Variants in ROBO2 observed in about 807,000 individuals in gnomAD.
ROBO2 encodes roundabout guidance receptor 2.
In ROBO2, 53 loss-of-function variants were observed where a neutral mutation model predicts 160.8. The observed-to-expected ratio is 0.33, with a 90% CI of 0.26 to 0.41. The LOEUF is 0.41. Ranked by LOEUF, ROBO2 falls within the 10% of genes least tolerant of loss-of-function variation. The probability of loss-of-function intolerance (pLI) is 1.00; values close to 1 mark genes in which losing one functional copy is unlikely to be tolerated. For synonymous variants in ROBO2, 664 were observed against 611.7 expected (o/e 1.09, Z -1.26); for missense variants, 1,577 against 1,722.4 (o/e 0.92, Z 1.49).
chr3:77,472,611 A>G (rs2083468536), intron 2 of ROBO2, among the ~76,000 whole-genome samples: 1 of 152,274 alleles, frequency 6.6e-6, no homozygotes, highest in East Asian at 1.9e-4. Flanking sequence ...AGCCAATTAC[A>G]TATCCCCCCC....
chr3:76,166,703 A>G (rs890299994), intron 2 of ROBO2, among the ~76,000 whole-genome samples: 2 of 152,174 alleles, frequency 1.3e-5, no homozygotes, highest in Admixed American at 6.6e-5. Context: ...CATAATATAC[A>G]TGAGAATACA....
intron 2 of ROBO2, among the ~76,000 whole-genome samples, chr3:77,203,591 T>C (rs770781835): frequency 1.6e-4 from 25 of 152,236 alleles, no homozygotes; most frequent in Non-Finnish European, 1.8e-4. Flanking sequence ...ATCAGACTTG[T>C]CTTTTTCAAG....
chr3:76,534,414 C>T (rs13320540), intron 2 of ROBO2, among the ~76,000 whole-genome samples: 6,759 of 152,150 alleles, frequency 0.044, 568 homozygotes, highest in African/African-American at 0.16. Flanking sequence ...TCCCCATTTC[C>T]CATCATATGA....
At chr3:77,558,068 A>T (rs1158700576) in exon 9 of ROBO2, 1 of 1,613,222 alleles carries the variant, frequency 6.2e-7, no homozygotes, top group East Asian at 2.2e-5. Context: ...TTAGCTGGTT[A>T]AAGGAGGGAT....
chr3:76,132,942 C>A (rs550299445), intron 2 of ROBO2, among the ~76,000 whole-genome samples: 2 of 152,226 alleles, frequency 1.3e-5, no homozygotes, highest in East Asian at 1.9e-4. Context: ...CTGGCTGCGA[C>A]CCTTGGACTG....
At chr3:77,452,215 T>G (rs2081191987) in intron 2 of ROBO2, among the ~76,000 whole-genome samples, 1 of 152,204 alleles carries the variant, frequency 6.6e-6, no homozygotes, top group Non-Finnish European at 1.5e-5. Flanking sequence ...TTGAAAGTCC[T>G]TCAAATCATT....
At chr3:76,887,972 G>A (rs2074039357) in intron 2 of ROBO2, among the ~76,000 whole-genome samples, 1 of 151,966 alleles carries the variant, frequency 6.6e-6, no homozygotes, top group Admixed American at 6.6e-5. Flanking sequence ...CTAATTTTAG[G>A]GACTTCAAAA....
At chr3:76,973,259 C>T (rs2059656714) in intron 2 of ROBO2, among the ~76,000 whole-genome samples, 1 of 152,066 alleles carries the variant, frequency 6.6e-6, no homozygotes, top group African/African-American at 2.4e-5. Flanking sequence ...ACCCTTAGGC[C>T]AAGTCCTAGC....
At chr3:76,137,510 G>A (rs893051893) in intron 2 of ROBO2, among the ~76,000 whole-genome samples, 2 of 151,814 alleles carry the variant, frequency 1.3e-5, no homozygotes, top group African/African-American at 4.8e-5. Context: ...ATAACTCCAA[G>A]AACAGTTTTT....
intron 2 of ROBO2, among the ~76,000 whole-genome samples, chr3:76,258,905 A>G (rs1706567070): frequency 6.6e-6 from 1 of 152,060 alleles, no homozygotes. Flanking sequence ...ATTTTTCAGC[A>G]ATGACTATTG....
At chr3:77,075,381 T>C (rs1184116944) in intron 1 of ROBO2, among the ~76,000 whole-genome samples, 1 of 152,108 alleles carries the variant, frequency 6.6e-6, no homozygotes, top group African/African-American at 2.4e-5. Context: ...GAGTAATGTG[T>C]TCCCTCTGTC....
intron 2 of ROBO2, among the ~76,000 whole-genome samples, chr3:77,412,110 G>T (rs13092823): frequency 6.6e-6 from 1 of 151,436 alleles, no homozygotes; most frequent in Non-Finnish European, 1.5e-5. Context: ...ATTCTAACTC[G>T]TTAAATACCA....
chr3:76,359,144 T>C (rs1439865090), intron 2 of ROBO2, among the ~76,000 whole-genome samples: 4 of 151,962 alleles, frequency 2.6e-5, no homozygotes, highest in Non-Finnish European at 4.4e-5. Flanking sequence ...GGTGTGTGTG[T>C]GCCACATTTT....
chr3:75,981,469 G>T (rs953053904), intron 2 of ROBO2, among the ~76,000 whole-genome samples: 1 of 151,308 alleles, frequency 6.6e-6, no homozygotes, highest in Admixed American at 6.6e-5. Context: ...AATAACTCGT[G>T]ACTCTGTTGA....
chr3:77,287,867 C>T (rs995102895), intron 2 of ROBO2, among the ~76,000 whole-genome samples: 11 of 152,074 alleles, frequency 7.2e-5, no homozygotes, highest in African/African-American at 2.7e-4. Context: ...TTAAATTAAC[C>T]TGAGCCTGAA....
chr3:76,223,882 T>C (rs766610689), intron 2 of ROBO2, among the ~76,000 whole-genome samples: 7 of 152,208 alleles, frequency 4.6e-5, no homozygotes, highest in Non-Finnish European at 8.8e-5. Context: ...AAAAATGTTT[T>C]AAAGTATCAT....
At chr3:77,267,757 A>C (rs2059230096) in intron 2 of ROBO2, among the ~76,000 whole-genome samples, 2 of 152,094 alleles carry the variant, frequency 1.3e-5, no homozygotes, top group South Asian at 4.1e-4. Flanking sequence ...TTGACCCTTG[A>C]CTGATGGGCC....
intron 2 of ROBO2, among the ~76,000 whole-genome samples, chr3:77,432,643 C>A (rs1471653351): frequency 6.6e-6 from 1 of 152,138 alleles, no homozygotes; most frequent in Non-Finnish European, 1.5e-5. Flanking sequence ...AATGACAAGA[C>A]TGAGTAGTTG....
intron 2 of ROBO2, among the ~76,000 whole-genome samples, chr3:76,164,809 TAA>T (rs2072762892): frequency 6.6e-6 from 1 of 152,126 alleles, no homozygotes. Flanking sequence ...GAATTCAACT[TAA>T]AGTCACCAGC....
Sources: allele counts gnomAD v4.1 joint callset (sites outside exome capture counted in the v4.1 genomes callset), GRCh38; gene constraint gnomAD v4.1.1; transcripts MANE v1.5; gene names NCBI Gene and HGNC (gene_info 2026-07-23, HGNC 2026-07-21).